FREM2: variants seen among roughly 807,000 people sequenced by gnomAD.
FREM2 encodes the protein FRAS1-related extracellular matrix protein 2.
Under a neutral mutation model 219.9 loss-of-function variants are expected in FREM2, and 119 were observed. That is an observed-to-expected ratio of 0.54 (90% CI 0.47 to 0.63). The LOEUF is 0.63. Ranked by LOEUF, FREM2 falls within the 30% of genes least tolerant of loss-of-function variation. FREM2 has a pLI of 0.00. For missense variants in FREM2, 4,030 were observed against 3,993.6 expected, an observed-to-expected ratio of 1.01 and a Z score of -0.25; for synonymous variants, 1,562 against 1,522.8, an observed-to-expected ratio of 1.03 and a Z score of -0.60.
chr13:38,815,222 G>A (rs542830258), intron 6 of FREM2, among the ~76,000 whole-genome samples: 13 of 152,136 alleles, frequency 8.5e-5, no homozygotes, highest in African/African-American at 2.2e-4. Flanking sequence ...ATTTCATTGC[G>A]TTGTTTTACT....
rs1304388108 is a variant in FREM2, at chr13:38,876,256, C to T, written c.8418C>T (p.Asp2806=). The T allele has an allele frequency of 6.2e-7, 1 of 1,614,022 alleles. No homozygotes were observed. The highest frequency in any genetic ancestry group is 8.5e-7 in the Non-Finnish European group (1 of 1,179,966). The change falls in exon 20 of 24, where the codon GAC becomes GAT. Residue 2806 remains aspartate (D), a synonymous_variant. Transcript: ENST00000280481. ...ATATCTTCTCCTCAAAGGTACGTGA[C>T]TACTCAGGGACCTATACTGTGAAGC... ...WSFVSDFAVR[D]YSGTYTVKLV... is the part of the protein sequence containing the mutation.
chr13:38,801,863 G>C (rs528321859), intron 6 of FREM2, among the ~76,000 whole-genome samples: 1 of 152,298 alleles, frequency 6.6e-6, no homozygotes, highest in South Asian at 2.1e-4. Flanking sequence ...GGCCAGGAAT[G>C]TGGGAGGGTT....
chr13:38,836,016 G>A (rs1876691535), intron 6 of FREM2, among the ~76,000 whole-genome samples: 1 of 152,126 alleles, frequency 6.6e-6, no homozygotes, highest in Non-Finnish European at 1.5e-5. Flanking sequence ...TCCTTGTCTT[G>A]TGCTGGTTTT....
At chr13:38,814,685 G>A (rs1158910043) in intron 6 of FREM2, among the ~76,000 whole-genome samples, 1 of 152,132 alleles carries the variant, frequency 6.6e-6, no homozygotes, top group Non-Finnish European at 1.5e-5. Flanking sequence ...ATGTGTCCAG[G>A]GATGCTGTCT....
intron 4 of FREM2, 24 bp downstream of exon 4, chr13:38,769,832 T>G: frequency 6.4e-7 from 1 of 1,568,234 alleles, no homozygotes; most frequent in South Asian, 1.1e-5. Flanking sequence ...TCAACTGGTT[T>G]ATGTTGTTGC....
rs768862763 is a variant in FREM2, at chr13:38,690,216, G to C, written c.2872G>C (p.Glu958Gln). 8 of 1,614,042 alleles carry C rather than the reference G, an allele frequency of 5.0e-6. No individual in the cohort carries two copies. In the African/African-American group the frequency reaches 5.3e-5, roughly 11 times the overall value. The change falls in exon 1 of 24, where the codon GAA becomes CAA. Residue 958 changes from glutamate (E) to glutamine (Q), a missense_variant. This residue lies in a region of FREM2 where 3,102 missense variants were observed against 2,950.7 expected (regional missense o/e 1.05). Transcript: ENST00000280481. Reference sequence around the variant, plus strand: ...TCTGGAGTCCTATCTAGATGTCTTAGAAAATGGGGCTACTGAAATCACTGC... The same window carrying C: ...TCTGGAGTCCTATCTAGATGTCTTACAAAATGGGGCTACTGAAATCACTGC... The part of the protein sequence containing the change: ...GTLESYLDVL[E>Q]NGATEITANV...
chr13:38,711,047 T>A (rs1263405992), intron 2 of FREM2, among the ~76,000 whole-genome samples: 3 of 152,244 alleles, frequency 2.0e-5, no homozygotes. Flanking sequence ...CATTTGTAGA[T>A]GCTGCCATTT....
At chr13:38,692,594 C>T in intron 1 of FREM2, 77 bp downstream of exon 1, 1 of 1,507,512 alleles carries the variant, frequency 6.6e-7, no homozygotes, top group Non-Finnish European at 9.1e-7. Context: ...ACAAACAGAG[C>T]ATTAAATTAG....
At position 38,872,929 on chromosome 13, in the gene FREM2, T is replaced by A. The variant is rs752441533; in HGVS notation, c.8171T>A (p.Leu2724His). The part of the protein sequence containing the change: ...DGIGSPPEAE[L>H]QGSLYPTSMR... ...ATTGGCAGCCCCCCAGAGGCTGAAC[T>A]TCAAGGTGAGTTCAGAAGACTTGGA... The change falls in exon 17 of 24, where the codon CTT (leucine) becomes CAT (histidine). Residue 2724 changes from leucine to histidine, a missense_variant. Leu to His is a moderately conservative substitution (Grantham distance 99). Around this residue, in one of 2 missense-constraint regions of FREM2, gnomAD observed 928 missense variants for 1,042.9 expected, o/e 0.89. Transcript: ENST00000280481. The A allele has an allele frequency of 3.5e-5, 56 of 1,613,544 alleles. No individual in the cohort carries two copies. The highest frequency in any genetic ancestry group is 4.7e-5 in the Non-Finnish European group (55 of 1,179,656).
intron 1 of FREM2, among the ~76,000 whole-genome samples, chr13:38,693,673 C>T (rs1241240132): frequency 6.6e-6 from 1 of 152,190 alleles, no homozygotes; most frequent in African/African-American, 2.4e-5. Flanking sequence ...CAGGGCATCC[C>T]AGTGGGGGTG....
At chr13:38,807,227 A>ATATATATATATATATG (rs1555268816) in intron 6 of FREM2, among the ~76,000 whole-genome samples, 2 of 125,684 alleles carry the variant, frequency 1.6e-5, no homozygotes, top group African/African-American at 2.8e-5. Flanking sequence ...ATATATATAT[A>ATATATATATATATATG]TGTATGGTTT....
At position 38,883,694 on chromosome 13, in the gene FREM2, T is replaced by C. The variant is rs954968704; in HGVS notation, c.*2907T>C. The C allele has an allele frequency of 1.3e-5, 2 of 152,182 alleles. No homozygotes were observed. The highest frequency in any genetic ancestry group is 2.9e-5 in the Non-Finnish European group (2 of 68,030). The allele number at this position is 152,182 out of a possible 1,614,324, so 9.4% of individuals were successfully genotyped here. On this transcript the variant is annotated 3_prime_UTR_variant, in exon 24 of 24. Coordinates refer to ENST00000280481, the MANE Select transcript of FREM2 (RefSeq NM_207361.6). ...TTGCTGTCCTTGGGAAGGTTATAAC[T>C]GAATGCAGCTCTTTATTTGGACTAA...
At chr13:38,710,236 C>T (rs1870717424) in intron 2 of FREM2, among the ~76,000 whole-genome samples, 1 of 151,944 alleles carries the variant, frequency 6.6e-6, no homozygotes, top group Admixed American at 6.6e-5. Context: ...ATATTGGTCA[C>T]GGTGCTAAAT....
In FREM2 at chr13:38,687,655, G is replaced by A; in HGVS notation, c.311G>A (p.Arg104His). 6.2e-7 allele frequency: 1 copy of A among 1,606,032 alleles called. No individual in the cohort carries two copies. The highest frequency in any genetic ancestry group is 8.5e-7 in the Non-Finnish European group (1 of 1,175,792). ...DLVLQVQPGD[R>H]CAVSVLDNDA... Reference sequence around the variant, plus strand: ...GTGTTGCAGGTGCAGCCCGGGGACCGCTGCGCGGTTTCGGTACTAGACAAC... The same window carrying A: ...GTGTTGCAGGTGCAGCCCGGGGACCACTGCGCGGTTTCGGTACTAGACAAC... The change falls in exon 1 of 24, where the codon CGC becomes CAC. Residue 104 changes from arginine to histidine, a missense_variant. By Grantham distance (29) the Arg-to-His change is conservative. This residue lies in a region of FREM2 where 3,102 missense variants were observed against 2,950.7 expected (regional missense o/e 1.05). Transcript: ENST00000280481.
intron 11 of FREM2, among the ~76,000 whole-genome samples, chr13:38,852,231 G>A (rs927844086): frequency 6.6e-6 from 1 of 152,140 alleles, no homozygotes; most frequent in Non-Finnish European, 1.5e-5. Context: ...AGAACAAGCA[G>A]TATTTGACTT....
chr13:38,861,473 C>G lies in FREM2; in HGVS notation c.7562C>G (p.Pro2521Arg). 6.2e-7 allele frequency: 1 copy of G among 1,612,868 alleles called. No homozygotes were observed. Among genetic ancestry groups the G allele is most frequent in the Non-Finnish European group, 8.5e-7 (1 of 1,179,314 alleles). The change falls in exon 15 of 24, where the codon CCG becomes CGG. Residue 2521 changes from proline (P) to arginine (R), a missense_variant. Transcript: ENST00000280481. ...PRVPGVVGAEPFSAKLRYTGP... is the reference protein window; with the variant it reads ...PRVPGVVGAERFSAKLRYTGP... ...GTACCTGGGGTTGTTGGAGCAGAGCCGTTCTCAGCTAAATTGCGCTACACA... is the reference window on the plus strand; with the variant it reads ...GTACCTGGGGTTGTTGGAGCAGAGCGGTTCTCAGCTAAATTGCGCTACACA...
At chr13:38,877,405 G>A (rs1314726342) in intron 21 of FREM2, among the ~76,000 whole-genome samples, 162 bp downstream of exon 21, 3 of 152,164 alleles carry the variant, frequency 2.0e-5, no homozygotes, top group Non-Finnish European at 2.9e-5. Context: ...AAGTCGTTGC[G>A]ATTGGGTATA....
chr13:38,736,971 C>T (rs1025235155), intron 2 of FREM2, among the ~76,000 whole-genome samples: 3 of 152,094 alleles, frequency 2.0e-5, no homozygotes, highest in Non-Finnish European at 4.4e-5. Flanking sequence ...TGTTCCTACC[C>T]CCTTTCCCTA....
chr13:38,747,431 T>TG (rs1872531667), intron 2 of FREM2, among the ~76,000 whole-genome samples: 3 of 81,980 alleles, frequency 3.7e-5, no homozygotes, highest in African/African-American at 1.5e-4. Context: ...GTGTGTGTAT[T>TG]CATCTGTTGC....
Sources: gnomAD v4.1 joint callset for allele counts (sites outside exome capture counted in the v4.1 genomes callset) on GRCh38, gnomAD v4.1.1 for gene constraint, gnomAD v4.1.1 regional missense constraint, MANE v1.5 for transcripts, NCBI Gene and HGNC (gene_info 2026-07-23, HGNC 2026-07-21) for gene names.